RSPH10B2: variants seen among roughly 807,000 people sequenced by gnomAD.
The protein encoded by RSPH10B2 is radial spoke head 10 homolog B2.
Under a neutral mutation model 49.0 loss-of-function variants are expected in RSPH10B2, and 9 were observed. The ratio of observed to expected loss-of-function variants is 0.18; its 90% CI spans 0.11 to 0.32. RSPH10B2 has a LOEUF of 0.32. RSPH10B2 is among the 10% of genes least tolerant of loss of function. The pLI, the probability that RSPH10B2 is intolerant of heterozygous loss-of-function variation, is 1.00. For synonymous variants in RSPH10B2, 35 were observed against 210.2 expected (o/e 0.17, Z 7.21); for missense variants, 95 against 589.9 (o/e 0.16, Z 8.69).
In RSPH10B2 at chr7:6,780,597, C is replaced by T. The variant is rs557285881; in HGVS notation, c.1530-212C>T. 6.8e-5 allele frequency among the ~76,000 whole-genome samples: 8 copies of T among 116,850 alleles called. 3 individuals carry two copies. In the South Asian group the frequency reaches 3.2e-3, roughly 46 times the overall value. 76.7% of individuals were successfully genotyped at this position (116,850 alleles called of 152,430 possible). On this transcript the variant is annotated intron_variant, in intron 11 of 18. Coordinates refer to ENST00000297186, the Ensembl canonical transcript of RSPH10B2. ...ATGGGGTTTCACCATGTTGGCCAGG[C>T]TGGTCTTAAACTCCTGACCTCGAGT...
rs1389085086 is a variant in RSPH10B2, at chr7:6,784,658, TG to T, written c.1759-1288del. 2.5e-5 allele frequency among the ~76,000 whole-genome samples: 3 copies of T among 122,410 alleles called. 1 individual carries two copies. The East Asian group carries it at 9.0e-4, about 37-fold the overall frequency. 80.3% of individuals were successfully genotyped at this position (122,410 alleles called of 152,430 possible). On this transcript the variant is annotated intron_variant, in intron 13 of 18. Transcript: ENST00000297186. ...TCACCTCACTGCAACCTCTGCCTCCTGGGCTCAAGTGATTCCCTTGCCTCAG... is the reference window on the plus strand; with the variant it reads ...TCACCTCACTGCAACCTCTGCCTCCTGGCTCAAGTGATTCCCTTGCCTCAG...
chr7:6,780,826 T>G, exon 12 of RSPH10B2: 2 of 1,499,632 alleles, frequency 1.3e-6, no homozygotes, highest in Non-Finnish European at 1.8e-6. Context: ...AGCCCATCCC[T>G]CTTCTTGTGT....
At chr7:6,797,866 T>C (rs4724845) in intron 18 of RSPH10B2, among the ~76,000 whole-genome samples, 3,817 of 63,688 alleles carry the variant, frequency 0.06, 137 homozygotes, top group African/African-American at 0.083. Flanking sequence ...AAAAAAAAAA[T>C]ACACACACAC....
At position 6,780,808 on chromosome 7, in the gene RSPH10B2, G is replaced by A. The variant is rs1781904879; in HGVS notation, c.1530-1G>A. 4 of 1,483,826 alleles carry A rather than the reference G, an allele frequency of 2.7e-6. 1 individual carries two copies. In the East Asian group the frequency reaches 1.1e-4, roughly 40 times the overall value. The allele number at this position is 1,483,826 out of a possible 1,614,324, so 91.9% of individuals were successfully genotyped here. ...ATGGTATCTTTTGATGATTATCACA[G>A]AAAGAGAAGCCCATCCCTCTTCTTG... On this transcript the variant is annotated splice_acceptor_variant, in intron 11 of 18. Coordinates refer to ENST00000297186, the Ensembl canonical transcript of RSPH10B2. LOFTEE classifies it high-confidence loss of function.
At chr7:6,768,346 C>A (rs1781531825) in intron 6 of RSPH10B2, among the ~76,000 whole-genome samples, 1 of 152,296 alleles carries the variant, frequency 6.6e-6, no homozygotes, top group Non-Finnish European at 1.5e-5. Context: ...TATATCTAAC[C>A]TGAGGGGTAG....
chr7:6,785,142 C>CGTGTGTGT (rs370307535), intron 13 of RSPH10B2, among the ~76,000 whole-genome samples: 1 of 63,702 alleles, frequency 1.6e-5, no homozygotes, highest in Admixed American at 1.7e-4. Flanking sequence ...GAGGTAAATA[C>CGTGTGTGT]GTGTGTGTGT....
chr7:6,756,247 GCA>G, upstream of RSPH10B2, among the ~76,000 whole-genome samples: 2 of 140,558 alleles, frequency 1.4e-5, no homozygotes, highest in Non-Finnish European at 3.0e-5. Flanking sequence ...TCCAGCCTGG[GCA>G]AGAGAGTGAG....
In RSPH10B2 at chr7:6,793,160, C is replaced by T. The variant is rs1456359079; in HGVS notation, c.2233+1163C>T. Among the ~76,000 whole-genome samples, 5 of 106,296 alleles carry T rather than the reference C, an allele frequency of 4.7e-5. 2 individuals carry two copies. Among genetic ancestry groups the T allele is most frequent in the Admixed American group, 1.1e-4 (1 of 9,246 alleles). The allele number at this position is 106,296 out of a possible 152,430, so 69.7% of individuals were successfully genotyped here. A position where few individuals can be genotyped will look rare whatever the true frequency, so the allele number is the denominator to read the frequency against. On this transcript the variant is annotated intron_variant, in intron 17 of 18. Transcript: ENST00000297186. ...GGATCCAAGAACTCCTGGATCTGAA[C>T]GCCTTGACTCCCAAAGTGCTGAGGT...
chr7:6,754,335 T>TG (rs1258332239), upstream of RSPH10B2: 1 of 147,546 alleles, frequency 6.8e-6, no homozygotes, highest in Non-Finnish European at 1.5e-5. Context: ...AGCCGATTCT[T>TG]CTCGGCTCAC....
intron 17 of RSPH10B2, among the ~76,000 whole-genome samples, chr7:6,796,204 C>T: frequency 8.6e-6 from 1 of 116,780 alleles, no homozygotes; most frequent in Non-Finnish European, 1.8e-5. Context: ...CCTGTAGCTA[C>T]TCGGGAGGCT....
chr7:6,781,662 A>C, intron 13 of RSPH10B2, 186 bp downstream of exon 15: 1 of 708,080 alleles, frequency 1.4e-6, no homozygotes, highest in African/African-American at 2.3e-5. Context: ...GAAGGAACAG[A>C]AACAGCTGTC....
rs1370266545 is a variant in RSPH10B2, at chr7:6,797,864, A to ATACACACACACAC, written c.2433-499_2433-498insTACACACACACAC. Among the ~76,000 whole-genome samples, 11 of 71,344 alleles carry ATACACACACACAC rather than the reference A, an allele frequency of 1.5e-4. 1 individual carries two copies. The highest frequency in any genetic ancestry group is 7.8e-4 in the African/African-American group (11 of 14,182). The allele number at this position is 71,344 out of a possible 152,430, so 46.8% of individuals were successfully genotyped here. ...TAAGACCCTATCTCAAAAAAAAAAA[A>ATACACACACACAC]ATACACACACACACACACACACACG... On this transcript the variant is annotated intron_variant, in intron 18 of 18. Coordinates refer to ENST00000297186, the Ensembl canonical transcript of RSPH10B2.
At chr7:6,783,269 A>T (rs1173533793) in intron 13 of RSPH10B2, among the ~76,000 whole-genome samples, 1 of 115,090 alleles carries the variant, frequency 8.7e-6, no homozygotes, top group Non-Finnish European at 1.7e-5. Flanking sequence ...TGACCTCGTG[A>T]TCCGCCCGTG....
intron 10 of RSPH10B2, among the ~76,000 whole-genome samples, chr7:6,777,142 G>C (rs77898364): frequency 0.086 from 2,999 of 34,728 alleles, 25 homozygotes; most frequent in African/African-American, 0.19. Flanking sequence ...CGCAACCTCT[G>C]TCTCCTGGGT....
At position 6,780,731 on chromosome 7, in the gene RSPH10B2, C is replaced by T. The variant is rs1456516275; in HGVS notation, c.1530-78C>T. ...TTAGAAGCAAATTATTAAGTCTAGC[C>T]CGTGCTCAAGGAGAAGGGAATTATG... On this transcript the variant is annotated intron_variant, in intron 11 of 18. Transcript: ENST00000297186. 4 of 1,277,930 alleles carry T rather than the reference C, an allele frequency of 3.1e-6. 1 individual carries two copies. The highest frequency in any genetic ancestry group is 4.1e-6 in the Non-Finnish European group (4 of 976,418). 79.2% of individuals were successfully genotyped at this position (1,277,930 alleles called of 1,614,324 possible).
chr7:6,758,972 T>A (rs1251580131), intron 1 of RSPH10B2, 112 bp from the exon 4 acceptor site: 1,278 of 624,388 alleles, frequency 2.0e-3, no homozygotes, highest in East Asian at 4.2e-3. Context: ...TATATATATT[T>A]TTTTTTTTTC....
chr7:6,757,883 A>T (rs996798530), exon 1 of RSPH10B2: 5 of 1,564,184 alleles, frequency 3.2e-6, no homozygotes, highest in Non-Finnish European at 4.3e-6. Context: ...CAGAACGAAG[A>T]TGCCAGCCAA....
intron 7 of RSPH10B2, among the ~76,000 whole-genome samples, chr7:6,770,822 G>A (rs1781614329): frequency 6.6e-6 from 1 of 151,872 alleles, no homozygotes; most frequent in South Asian, 2.1e-4. Context: ...GGAGAATGGT[G>A]TGAACCCAGG....
intron 4 of RSPH10B2, 78 bp downstream of exon 6, chr7:6,764,179 G>T (rs1319967307): frequency 3.0e-6 from 1 of 331,116 alleles, no homozygotes; most frequent in Non-Finnish European, 5.7e-6. Flanking sequence ...GCAGCCATGA[G>T]GGGGCAAGGT....
Sources: allele counts gnomAD v4.1 joint callset (sites outside exome capture counted in the v4.1 genomes callset), GRCh38; gene constraint gnomAD v4.1.1; transcripts MANE v1.5; gene names NCBI Gene and HGNC (gene_info 2026-07-23, HGNC 2026-07-21).